Variants in SH3RF1 observed in about 807,000 individuals in gnomAD.
The protein encoded by SH3RF1 is SH3 domain containing ring finger 1.
In SH3RF1, 32 loss-of-function variants were observed where a neutral mutation model predicts 74.0. The observed-to-expected ratio is 0.43, with a 90% CI of 0.33 to 0.58. SH3RF1 has a LOEUF of 0.58. SH3RF1 is among the 20% of genes least tolerant of loss of function. The pLI, the probability that SH3RF1 is intolerant of heterozygous loss-of-function variation, is 0.05. For synonymous variants in SH3RF1, 396 were observed against 439.6 expected (o/e 0.90, Z 1.24); for missense variants, 954 against 1,130.9 (o/e 0.84, Z 2.24).
rs1219378228 is a variant in SH3RF1 at position 169,094,299 on chromosome 4, C to A, written c.*2220G>T. Reference sequence around the variant, plus strand: ...AATTTTAATCTTGAAACCTTTTATCCAGTCCTCAAATTATTAACATGAAAA... The same window carrying A: ...AATTTTAATCTTGAAACCTTTTATCAAGTCCTCAAATTATTAACATGAAAA... On this transcript the variant is annotated 3_prime_UTR_variant, in exon 12 of 12. Transcript: ENST00000284637. 6.6e-6 allele frequency: 1 copy of A among 151,870 alleles called. No homozygotes were observed. Among genetic ancestry groups the A allele is most frequent in the African/African-American group, 2.4e-5 (1 of 41,324 alleles). The allele number at this position is 151,870 out of a possible 1,614,324, so 9.4% of individuals were successfully genotyped here.
In SH3RF1 at chr4:169,264,941, C is replaced by T. The variant is rs545075496; in HGVS notation, c.393+3879G>A. Among the ~76,000 whole-genome samples the T allele has an allele frequency of 4.6e-5, 7 of 152,302 alleles. No homozygotes were observed. The East Asian group carries it at 1.2e-3, about 25-fold the overall frequency. On this transcript the variant is annotated intron_variant, in intron 2 of 11. Transcript: ENST00000284637. ...GCCTCTGCCCCTTCCCTGCCCAGCCCCCATTCCCTAATTAATATCATTTCA... is the reference window on the plus strand; with the variant it reads ...GCCTCTGCCCCTTCCCTGCCCAGCCTCCATTCCCTAATTAATATCATTTCA...
chr4:169,162,919 G>A (rs368384789), intron 2 of SH3RF1, among the ~76,000 whole-genome samples: 30 of 151,976 alleles, frequency 2.0e-4, no homozygotes, highest in African/African-American at 5.8e-4. Context: ...CCCTGCTCAC[G>A]CTCATCTGTG....
intron 10 of SH3RF1, among the ~76,000 whole-genome samples, chr4:169,108,074 T>C (rs1278346379): frequency 1.3e-5 from 2 of 152,224 alleles, no homozygotes; most frequent in African/African-American, 4.8e-5. Flanking sequence ...GTCAAGAGAG[T>C]GCTCCTTCAT....
intron 2 of SH3RF1, among the ~76,000 whole-genome samples, chr4:169,265,443 G>T (rs1731336818): frequency 6.6e-6 from 1 of 152,136 alleles, no homozygotes. Context: ...GATATTAAGA[G>T]AACTTAATGT....
intron 2 of SH3RF1, among the ~76,000 whole-genome samples, chr4:169,189,138 T>C (rs1349682363): frequency 6.6e-6 from 1 of 152,238 alleles, no homozygotes; most frequent in Non-Finnish European, 1.5e-5. Context: ...ATGTCTAAAA[T>C]GAAGCACATT....
intron 7 of SH3RF1, among the ~76,000 whole-genome samples, chr4:169,121,737 G>A (rs1733438652): frequency 6.6e-6 from 1 of 152,114 alleles, no homozygotes; most frequent in African/African-American, 2.4e-5. Context: ...TCATTGCTGA[G>A]GACTTAAGCT....
At position 169,270,926 on chromosome 4, in the gene SH3RF1, C is replaced by T. The variant is rs1301052613; in HGVS notation, c.-163G>A. 6.6e-6 allele frequency: 1 copy of T among 152,114 alleles called. No individual in the cohort carries two copies. The highest frequency in any genetic ancestry group is 2.4e-5 in the African/African-American group (1 of 41,378). 9.4% of individuals were successfully genotyped at this position (152,114 alleles called of 1,614,324 possible). On this transcript the variant is annotated 5_prime_UTR_variant, in exon 1 of 12. Transcript: ENST00000284637. ...GCTGCGGCGGCTGATGCAGATGCGG[C>T]CCCACCGCGCTCGCCGCTCGCAGTG...
intron 2 of SH3RF1, among the ~76,000 whole-genome samples, chr4:169,233,605 C>A (rs1730779163): frequency 6.6e-6 from 1 of 152,104 alleles, no homozygotes; most frequent in Admixed American, 6.5e-5. Flanking sequence ...TCATAAAAAA[C>A]AAATGTGGTT....
chr4:169,244,797 T>C (rs1190397612), intron 2 of SH3RF1, among the ~76,000 whole-genome samples: 1 of 152,228 alleles, frequency 6.6e-6, no homozygotes, highest in Non-Finnish European at 1.5e-5. Context: ...TTGCCGTTGT[T>C]ATAACCTGTT....
intron 6 of SH3RF1, among the ~76,000 whole-genome samples, chr4:169,126,810 C>T (rs752091680): frequency 2.0e-5 from 3 of 152,166 alleles, no homozygotes; most frequent in Non-Finnish European, 2.9e-5. Flanking sequence ...ATGCTGGTCT[C>T]GAACTCCTGG....
intron 2 of SH3RF1, among the ~76,000 whole-genome samples, chr4:169,241,208 C>A (rs934214787): frequency 6.6e-6 from 1 of 152,102 alleles, no homozygotes; most frequent in African/African-American, 2.4e-5. Context: ...CCAGCCTGGG[C>A]GACAGAGCGA....
At chr4:169,181,705 T>C (rs1734514742) in intron 2 of SH3RF1, among the ~76,000 whole-genome samples, 1 of 152,192 alleles carries the variant, frequency 6.6e-6, no homozygotes, top group South Asian at 2.1e-4. Flanking sequence ...AATTAATACA[T>C]TCATGTCAAT....
intron 2 of SH3RF1, among the ~76,000 whole-genome samples, chr4:169,163,114 C>A (rs966143364): frequency 1.4e-4 from 21 of 146,548 alleles, no homozygotes; most frequent in African/African-American, 5.2e-4. Context: ...AAAAAAAAAA[C>A]AAACTAGAGA....
At chr4:169,157,327 T>G (rs1279889193) in intron 2 of SH3RF1, among the ~76,000 whole-genome samples, 1 of 152,226 alleles carries the variant, frequency 6.6e-6, no homozygotes, top group African/African-American at 2.4e-5. Flanking sequence ...AATCTGTAAG[T>G]GTATAGACAC....
chr4:169,258,066 G>T (rs906951710), intron 2 of SH3RF1, among the ~76,000 whole-genome samples: 1 of 152,090 alleles, frequency 6.6e-6, no homozygotes, highest in African/African-American at 2.4e-5. Flanking sequence ...CTTTTGCTAC[G>T]GTAATTACTT....
intron 2 of SH3RF1, among the ~76,000 whole-genome samples, chr4:169,177,309 T>A (rs1734437762): frequency 6.6e-6 from 1 of 152,200 alleles, no homozygotes; most frequent in Non-Finnish European, 1.5e-5. Flanking sequence ...AAAACATAGA[T>A]CATTTTTCTA....
chr4:169,114,724 T>C (rs544035712), intron 10 of SH3RF1, among the ~76,000 whole-genome samples: 1 of 152,382 alleles, frequency 6.6e-6, no homozygotes, highest in South Asian at 2.1e-4. Flanking sequence ...AAGTTTAATG[T>C]AGTTAATTAT....
At chr4:169,255,762 C>T (rs913672372) in intron 2 of SH3RF1, among the ~76,000 whole-genome samples, 2 of 151,580 alleles carry the variant, frequency 1.3e-5, no homozygotes, top group African/African-American at 2.4e-5. Flanking sequence ...TCTTTCCTAA[C>T]ATTACTTTTT....
At chr4:169,155,375 T>A (rs1734033515) in intron 4 of SH3RF1, 105 bp downstream of exon 4, 9 of 775,510 alleles carry the variant, frequency 1.2e-5, no homozygotes, top group Non-Finnish European at 2.0e-5. Context: ...AGGGCATTCC[T>A]GGTGCTTTTT....
Sources: allele counts gnomAD v4.1 joint callset (sites outside exome capture counted in the v4.1 genomes callset), GRCh38; gene constraint gnomAD v4.1.1; transcripts MANE v1.5; gene names NCBI Gene and HGNC (gene_info 2026-07-23, HGNC 2026-07-21).